The following IGF2BP2 variants were observed in gnomAD, a reference collection of about 807,000 sequenced individuals.
IGF2BP2 encodes the protein insulin-like growth factor 2 mRNA-binding protein 2.
A neutral mutation model predicts 75.8 loss-of-function variants in IGF2BP2; 17 were observed. The ratio of observed to expected loss-of-function variants is 0.22; its 90% CI spans 0.15 to 0.34. IGF2BP2 has a LOEUF of 0.34. IGF2BP2 is among the 10% of genes least tolerant of loss of function. The pLI, the probability that IGF2BP2 is intolerant of heterozygous loss-of-function variation, is 1.00. For missense variants in IGF2BP2, 516 were observed against 772.4 expected (o/e 0.67, Z 3.93); for synonymous variants, 288 against 295.6 (o/e 0.97, Z 0.26).
At chr3:185,696,285 C>A in intron 4 of IGF2BP2, 1 of 267,790 alleles carries the variant, frequency 3.7e-6, no homozygotes, top group South Asian at 8.1e-5. Context: ...AAAGTAGCAA[C>A]CGTGTAAATC....
At chr3:185,780,206 G>A (rs995538311) in intron 2 of IGF2BP2, among the ~76,000 whole-genome samples, 2 of 152,246 alleles carry the variant, frequency 1.3e-5, no homozygotes, top group East Asian at 1.9e-4. Context: ...TAAAGGAAGA[G>A]AAAAGGTCTG....
intron 2 of IGF2BP2, among the ~76,000 whole-genome samples, chr3:185,699,572 G>C (rs1200253979): frequency 6.6e-6 from 1 of 152,164 alleles, no homozygotes; most frequent in African/African-American, 2.4e-5. Context: ...CATGTTATTT[G>C]CGTATCCTTC....
chr3:185,765,646 C>T (rs189124382), intron 2 of IGF2BP2, among the ~76,000 whole-genome samples: 2 of 152,340 alleles, frequency 1.3e-5, no homozygotes, highest in African/African-American at 4.8e-5. Flanking sequence ...CGCAGAAGTG[C>T]TCGAGGACCA....
At chr3:185,669,938 T>G (rs1335486504) in intron 10 of IGF2BP2, among the ~76,000 whole-genome samples, 2 of 152,272 alleles carry the variant, frequency 1.3e-5, no homozygotes, top group South Asian at 2.1e-4. Flanking sequence ...ACTCCAGGAA[T>G]AGCCTAGGTC....
intron 4 of IGF2BP2, among the ~76,000 whole-genome samples, chr3:185,695,437 A>T (rs1028667090): frequency 1.3e-5 from 2 of 152,134 alleles, no homozygotes; most frequent in Non-Finnish European, 2.9e-5. Flanking sequence ...TTTCTCTCTC[A>T]ATTTGACACT....
intron 2 of IGF2BP2, among the ~76,000 whole-genome samples, chr3:185,819,013 T>G (rs1740977745): frequency 1.3e-5 from 2 of 152,194 alleles, no homozygotes; most frequent in African/African-American, 4.8e-5. Context: ...TTAAATGCTT[T>G]TTCTCTTAAA....
chr3:185,767,129 C>T (rs776683898), intron 2 of IGF2BP2, among the ~76,000 whole-genome samples: 14 of 152,180 alleles, frequency 9.2e-5, no homozygotes, highest in Non-Finnish European at 1.9e-4. Flanking sequence ...AGAAGCTTCT[C>T]GATGGTGGCA....
intron 2 of IGF2BP2, among the ~76,000 whole-genome samples, chr3:185,737,788 T>C (rs1438840216): frequency 6.6e-6 from 1 of 152,202 alleles, no homozygotes; most frequent in African/African-American, 2.4e-5. Flanking sequence ...GAAGTTATGA[T>C]GGTCATCCCC....
intron 2 of IGF2BP2, among the ~76,000 whole-genome samples, chr3:185,700,095 G>GAA (rs1465512060): frequency 6.6e-6 from 1 of 152,004 alleles, no homozygotes; most frequent in African/African-American, 2.4e-5. Context: ...ACCACCTTGC[G>GAA]GGGTCAGAGG....
At chr3:185,794,210 C>T (rs1445633801) in intron 2 of IGF2BP2, among the ~76,000 whole-genome samples, 6 of 151,984 alleles carry the variant, frequency 3.9e-5, no homozygotes, top group Non-Finnish European at 2.9e-5. Context: ...AAGCAATCCT[C>T]CCAGCTTGGC....
chr3:185,756,217 G>C (rs191010898), intron 2 of IGF2BP2, among the ~76,000 whole-genome samples: 154 of 152,250 alleles, frequency 1.0e-3, no homozygotes, highest in African/African-American at 3.7e-3. Flanking sequence ...TCATGCTCTT[G>C]CCATATGACA....
At chr3:185,719,650 G>A (rs768495533) in intron 2 of IGF2BP2, among the ~76,000 whole-genome samples, 17 of 152,096 alleles carry the variant, frequency 1.1e-4, no homozygotes, top group African/African-American at 7.2e-5. Context: ...CCTGGCCAAC[G>A]TGGCGAAACC....
At chr3:185,814,674 A>G (rs911336770) in intron 2 of IGF2BP2, among the ~76,000 whole-genome samples, 12 of 152,336 alleles carry the variant, frequency 7.9e-5, no homozygotes, top group African/African-American at 2.9e-4. Flanking sequence ...TGTTCTTGTC[A>G]AAAAGCATGG....
At chr3:185,678,088 C>T (rs1719826607) in intron 7 of IGF2BP2, among the ~76,000 whole-genome samples, 1 of 152,056 alleles carries the variant, frequency 6.6e-6, no homozygotes, top group Admixed American at 6.5e-5. Context: ...ACAAAATGTA[C>T]ATACAAATCA....
intron 2 of IGF2BP2, among the ~76,000 whole-genome samples, chr3:185,705,198 G>A (rs1326626258): frequency 6.6e-6 from 1 of 152,244 alleles, no homozygotes; most frequent in Non-Finnish European, 1.5e-5. Flanking sequence ...CCAGGTTCAA[G>A]TGATTTTCCT....
intron 7 of IGF2BP2, among the ~76,000 whole-genome samples, chr3:185,682,342 G>A (rs1273068965): frequency 6.6e-6 from 1 of 152,068 alleles, no homozygotes; most frequent in Non-Finnish European, 1.5e-5. Context: ...GTGGGTTGAG[G>A]GATAGTTTGG....
intron 2 of IGF2BP2, among the ~76,000 whole-genome samples, chr3:185,745,077 C>T (rs1235954367): frequency 2.0e-5 from 3 of 152,198 alleles, no homozygotes; most frequent in African/African-American, 7.2e-5. Flanking sequence ...CAGGAGGAGA[C>T]ATGCCTCCCT....
chr3:185,676,319 A>G (rs964576389), intron 7 of IGF2BP2, among the ~76,000 whole-genome samples: 1 of 152,176 alleles, frequency 6.6e-6, no homozygotes, highest in African/African-American at 2.4e-5. Context: ...GATAGACCAG[A>G]ACACCTCTGT....
intron 9 of IGF2BP2, among the ~76,000 whole-genome samples, chr3:185,674,363 C>A (rs1213863081): frequency 6.6e-6 from 1 of 151,966 alleles, no homozygotes; most frequent in East Asian, 1.9e-4. Flanking sequence ...TGTATACATC[C>A]AAAAAAATCT....
Sources: allele counts gnomAD v4.1 joint callset (sites outside exome capture counted in the v4.1 genomes callset), GRCh38; gene constraint gnomAD v4.1.1; transcripts MANE v1.5; gene names NCBI Gene and HGNC (gene_info 2026-07-23, HGNC 2026-07-21).